Variants in PRIM2 observed in about 807,000 individuals in gnomAD.
The protein encoded by PRIM2 is DNA primase subunit 2.
In PRIM2, 39 loss-of-function variants were observed where a neutral mutation model predicts 67.3. That is an observed-to-expected ratio of 0.58 (90% CI 0.45 to 0.76). The LOEUF is 0.76. Among genes scored for constraint, PRIM2 ranks in the 30% least tolerant of loss-of-function variants. The pLI is 0.00. For synonymous variants in PRIM2, 143 were observed against 198.7 expected, an observed-to-expected ratio of 0.72 and a Z score of 2.36; for missense variants, 398 against 598.7, an observed-to-expected ratio of 0.66 and a Z score of 3.50.
chr6:57,459,613 TA>T (rs1423096412), intron 7 of PRIM2, among the ~76,000 whole-genome samples: 44 of 152,294 alleles, frequency 2.9e-4, no homozygotes, highest in Non-Finnish European at 4.9e-4. Flanking sequence ...GAAACTCAGG[TA>T]AGAGTTGAAG....
At chr6:57,291,556 C>T in the PRIM2 span, among the ~76,000 whole-genome samples, 1 of 152,108 alleles carries the variant, frequency 6.6e-6, no homozygotes, top group Non-Finnish European at 1.5e-5. Context: ...AAGAGAATTT[C>T]AGGCCAATAT....
intron 10 of PRIM2, among the ~76,000 whole-genome samples, chr6:57,552,450 A>G (rs1283066230): frequency 1.3e-5 from 2 of 152,018 alleles, no homozygotes; most frequent in Non-Finnish European, 2.9e-5. Context: ...AATCATGCCT[A>G]GGCTCAAGGA....
chr6:57,438,024 A>C (rs1198731624), intron 7 of PRIM2, among the ~76,000 whole-genome samples: 1 of 151,798 alleles, frequency 6.6e-6, no homozygotes, highest in African/African-American at 2.4e-5. Flanking sequence ...TTGGTCACTG[A>C]AAGAGGAAGT....
intron 12 of PRIM2, among the ~76,000 whole-genome samples, chr6:57,614,355 C>T (rs1257184767): frequency 2.0e-5 from 3 of 152,062 alleles, no homozygotes; most frequent in Non-Finnish European, 4.4e-5. Flanking sequence ...GGTTGGAGAC[C>T]ATTGTGTTAC....
intron 7 of PRIM2, among the ~76,000 whole-genome samples, chr6:57,478,917 TG>T (rs1433279468): frequency 3.3e-5 from 5 of 152,196 alleles, no homozygotes; most frequent in Non-Finnish European, 7.3e-5. Context: ...GAGGCCAAGG[TG>T]GGCGAATCAC....
chr6:57,300,619 C>G, the PRIM2 span, among the ~76,000 whole-genome samples: 1 of 152,074 alleles, frequency 6.6e-6, no homozygotes, highest in Non-Finnish European at 1.5e-5. Context: ...TTAGTTGACT[C>G]AAATGACCAC....
intron 5 of PRIM2, among the ~76,000 whole-genome samples, chr6:57,374,325 G>A (rs1212796814): frequency 3.9e-5 from 5 of 127,030 alleles, no homozygotes; most frequent in Non-Finnish European, 6.9e-5. Flanking sequence ...ACGGAGTTTC[G>A]CTCTGTCGCC....
At chr6:57,551,776 A>C (rs1452872245) in intron 10 of PRIM2, among the ~76,000 whole-genome samples, 2 of 152,190 alleles carry the variant, frequency 1.3e-5, no homozygotes, top group African/African-American at 4.8e-5. Flanking sequence ...GCTATGAAGA[A>C]ATTTTTTCAT....
intron 5 of PRIM2, among the ~76,000 whole-genome samples, chr6:57,377,065 T>A (rs1769791895): frequency 6.6e-6 from 1 of 150,638 alleles, no homozygotes; most frequent in African/African-American, 2.4e-5. Flanking sequence ...TTTTTTGGTA[T>A]CTTTAGTAGA....
chr6:57,247,998 T>C, the PRIM2 span, among the ~76,000 whole-genome samples: 1 of 152,212 alleles, frequency 6.6e-6, no homozygotes, highest in Non-Finnish European at 1.5e-5. Flanking sequence ...ATTTTGAATT[T>C]AGCCAAAAAA....
intron 5 of PRIM2, among the ~76,000 whole-genome samples, chr6:57,335,794 C>T (rs1228358734): frequency 5.3e-5 from 8 of 152,164 alleles, no homozygotes; most frequent in Non-Finnish European, 1.0e-4. Flanking sequence ...CTCTGAAAAG[C>T]AGAGCGCCTC....
the PRIM2 span, among the ~76,000 whole-genome samples, chr6:57,248,158 G>C: frequency 3.3e-5 from 5 of 152,182 alleles, no homozygotes; most frequent in African/African-American, 1.2e-4. Flanking sequence ...TAATGGCAGA[G>C]AGTTGGTCAA....
At chr6:57,283,808 C>T in the PRIM2 span, among the ~76,000 whole-genome samples, 4 of 151,964 alleles carry the variant, frequency 2.6e-5, no homozygotes, top group African/African-American at 9.7e-5. Context: ...CTGACAAACT[C>T]GTTTGGGGCC....
the PRIM2 span, among the ~76,000 whole-genome samples, chr6:57,275,198 A>C: frequency 6.6e-6 from 1 of 152,194 alleles, no homozygotes; most frequent in Non-Finnish European, 1.5e-5. Context: ...CAAGGTAAGC[A>C]AGCAAGACTA....
chr6:57,297,345 G>A, the PRIM2 span, among the ~76,000 whole-genome samples: 1 of 152,116 alleles, frequency 6.6e-6, no homozygotes, highest in Non-Finnish European at 1.5e-5. Flanking sequence ...GGGAGGCTGA[G>A]GCAGGAGAAT....
intron 10 of PRIM2, among the ~76,000 whole-genome samples, chr6:57,587,522 G>A (rs1375791110): frequency 6.6e-6 from 1 of 151,926 alleles, no homozygotes; most frequent in African/African-American, 2.4e-5. Context: ...AAATTAGCTG[G>A]GCGTGGTGGC....
At chr6:57,627,491 C>G (rs1463959059) in intron 12 of PRIM2, among the ~76,000 whole-genome samples, 33 of 151,006 alleles carry the variant, frequency 2.2e-4, no homozygotes, top group African/African-American at 6.1e-4. Context: ...CGGGTTCAAG[C>G]GATTCTCCTG....
chr6:57,283,601 CT>C, the PRIM2 span, among the ~76,000 whole-genome samples: 6 of 152,020 alleles, frequency 3.9e-5, no homozygotes, highest in South Asian at 2.1e-4. Flanking sequence ...AGTGCTAACA[CT>C]TTTTTTCAGC....
chr6:57,292,276 ATACAACT>A, the PRIM2 span, among the ~76,000 whole-genome samples: 1 of 152,226 alleles, frequency 6.6e-6, no homozygotes, highest in African/African-American at 2.4e-5. Flanking sequence ...ATATCTTGGA[ATACAACT>A]TACAAGGGAT....
Sources: allele counts gnomAD v4.1 joint callset (sites outside exome capture counted in the v4.1 genomes callset), GRCh38; gene constraint gnomAD v4.1.1; transcripts MANE v1.5; gene names NCBI Gene and HGNC (gene_info 2026-07-23, HGNC 2026-07-21).